Variants in GMPR2 observed in about 807,000 individuals in gnomAD.
GMPR2 encodes the protein guanosine monophosphate reductase 2.
In GMPR2, 32 loss-of-function variants were observed where a neutral mutation model predicts 38.5. The observed-to-expected ratio is 0.83, with a 90% CI of 0.63 to 1.12. The LOEUF (loss-of-function observed/expected upper bound fraction) is 1.12, where lower values mean the gene tolerates loss of function less well. Ranked by LOEUF, GMPR2 falls within the 50% of genes most tolerant of loss-of-function variation. The pLI, the probability that GMPR2 is intolerant of heterozygous loss-of-function variation, is 0.00. For missense variants in GMPR2, 396 were observed against 432.1 expected, an observed-to-expected ratio of 0.92 and a Z score of 0.74; for synonymous variants, 154 against 151.0, an observed-to-expected ratio of 1.02 and a Z score of -0.15.
rs1018164906 is a variant in GMPR2, at chr14:24,236,159, C to T, written c.465+19C>T. The T allele has an allele frequency of 1.8e-5, 28 of 1,597,634 alleles. No individual in the cohort carries two copies. In the East Asian group the frequency reaches 3.1e-4, roughly 18 times the overall value. On this transcript the variant is annotated intron_variant, in intron 5 of 9. Coordinates refer to ENST00000399440, the MANE Select transcript of GMPR2 (RefSeq NM_001002002.3). ...CATCATGGTATGTTTCTATTACAGT[C>T]GGTACCTTTTTATCTTTCCACTTTC...
At chr14:24,233,645 A>G in intron 3 of GMPR2, 47 bp downstream of exon 3, 2 of 1,604,036 alleles carry the variant, frequency 1.2e-6, no homozygotes, top group Non-Finnish European at 1.7e-6. Context: ...CAGTTAGCCC[A>G]GCTGACTGCA....
Position 24,238,840 on chromosome 14 carries a change from T to C in GMPR2, c.*62T>C. 5.9e-6 allele frequency: 8 copies of C among 1,352,558 alleles called. No individual in the cohort carries two copies. Among genetic ancestry groups the C allele is most frequent in the Non-Finnish European group, 8.4e-6 (8 of 954,624 alleles). The allele number at this position is 1,352,558 out of a possible 1,614,324, so 83.8% of individuals were successfully genotyped here. On this transcript the variant is annotated 3_prime_UTR_variant, in exon 10 of 10. Coordinates refer to ENST00000399440, the MANE Select transcript of GMPR2 (RefSeq NM_001002002.3). ...CTACCATGGGGCATCCCAAGTGGGG[T>C]CCTCACCCATCCCAGCTACTGCAGC...
At chr14:24,233,158 A>G in intron 1 of GMPR2, 61 bp from the exon 2 acceptor site, 2 of 1,609,190 alleles carry the variant, frequency 1.2e-6, no homozygotes, top group Non-Finnish European at 1.7e-6. Context: ...AGAGGCCACC[A>G]GCCGTAACAG....
At chr14:24,234,146 G>C (rs1254848602) in intron 3 of GMPR2, 1 of 1,289,088 alleles carries the variant, frequency 7.8e-7, no homozygotes, top group African/African-American at 1.5e-5. Flanking sequence ...GCCCCAAATG[G>C]GATGTGTTTT....
At position 24,232,956 on chromosome 14, in the gene GMPR2, TAGA is replaced by T. The variant is rs1212520433; in HGVS notation, c.-51_-49del. On this transcript the variant is annotated 5_prime_UTR_variant, in exon 1 of 10. Transcript: ENST00000399440. The stretch of plus-strand genomic sequence containing the variant: ...CTTGCCCCATTGCTCTTTGCAGGGG[TAGA>T]AGAAGGAAGTGTAGCGGGGTAAGGA... 3.7e-6 allele frequency: 2 copies of T among 535,870 alleles called. No individual in the cohort carries two copies. The highest frequency in any genetic ancestry group is 1.9e-5 in the African/African-American group (1 of 52,690). 33.2% of individuals were successfully genotyped at this position (535,870 alleles called of 1,614,324 possible).
At position 24,233,356 on chromosome 14, in the gene GMPR2, T is replaced by C. The variant is rs770628454; in HGVS notation, c.87+16T>C. ...TCGAAGTGAGGTGAGCAAGCTTCTCTACTTGCTGTTTCTTGACCCCACGCT... is the reference window on the plus strand; with the variant it reads ...TCGAAGTGAGGTGAGCAAGCTTCTCCACTTGCTGTTTCTTGACCCCACGCT... On this transcript the variant is annotated intron_variant, in intron 2 of 9. Transcript: ENST00000399440. 6.2e-7 allele frequency: 1 copy of C among 1,613,276 alleles called. No homozygotes were observed. The highest frequency in any genetic ancestry group is 8.5e-7 in the Non-Finnish European group (1 of 1,179,264).
At chr14:24,234,395 G>A (rs924272926) in intron 3 of GMPR2, among the ~76,000 whole-genome samples, 1 of 152,184 alleles carries the variant, frequency 6.6e-6, no homozygotes, top group African/African-American at 2.4e-5. Flanking sequence ...TTTGTGGAAT[G>A]TCTTGTCATT....
chr14:24,237,245 G>T lies in GMPR2; in HGVS notation c.548G>T (p.Gly183Val), dbSNP rs1470480982. Residue 183 changes from glycine to valine, a missense_variant and splice_region_variant, in exon 7 of 10, where the codon GGC becomes GTC. Transcript: ENST00000399440. ...CTTACCCTTATCATGTTCTTCCTAG[G>T]CTCTGTGTGTACTACTCGGAAGAAA... ...ADIIKVGIGP[G>V]SVCTTRKKTG... 21 of 1,599,360 alleles carry T rather than the reference G, an allele frequency of 1.3e-5. No individual in the cohort carries two copies. Among genetic ancestry groups the T allele is most frequent in the Non-Finnish European group, 1.8e-5 (21 of 1,166,692 alleles).
chr14:24,238,736 A>G lies in GMPR2; in HGVS notation c.1005A>G (p.Arg335=), dbSNP rs1403816384. Residue 335 remains arginine, a synonymous_variant, in exon 10 of 10, where the codon CGA becomes CGG. Transcript: ENST00000399440. ...KELSRRTTFI[R]VTQQVNPIFS... ...TGAGCAGGAGAACTACCTTCATCCG[A>G]GTCACCCAGCAGGTGAATCCAATCT... The G allele has an allele frequency of 6.2e-7, 1 of 1,613,964 alleles. No homozygotes were observed. The highest frequency in any genetic ancestry group is 8.5e-7 in the Non-Finnish European group (1 of 1,179,946).
At chr14:24,235,920 C>G (rs2040319419) in intron 4 of GMPR2, 47 bp from the exon 5 acceptor site, 4 of 1,597,802 alleles carry the variant, frequency 2.5e-6, no homozygotes, top group Non-Finnish European at 3.4e-6. Flanking sequence ...CCACTGGCTG[C>G]CCACCAGATC....
chr14:24,234,323 T>G, intron 3 of GMPR2: 1 of 881,600 alleles, frequency 1.1e-6, no homozygotes, highest in African/African-American at 1.8e-5. Context: ...ATTCTGCTAT[T>G]GTTTGTGGCT....
rs1381068847 is a variant in GMPR2, at chr14:24,236,156, A to AGTCG, written c.465+19_465+22dup. On this transcript the variant is annotated intron_variant, in intron 5 of 9. Transcript: ENST00000399440. ...CACCATCATGGTATGTTTCTATTAC[A>AGTCG]GTCGGTACCTTTTTATCTTTCCACT... is the stretch of plus-strand genomic sequence containing the variant. 2 of 1,601,382 alleles carry AGTCG rather than the reference A, an allele frequency of 1.2e-6. No homozygotes were observed. The highest frequency in any genetic ancestry group is 1.7e-6 in the Non-Finnish European group (2 of 1,169,936).
rs1055899449 is a variant in GMPR2 at position 24,235,813 on chromosome 14, G to A, written c.284G>A (p.Cys95Tyr). The A allele has an allele frequency of 1.9e-6, 3 of 1,612,074 alleles. No individual in the cohort carries two copies. The highest frequency in any genetic ancestry group is 1.7e-6 in the Non-Finnish European group (2 of 1,178,130). Reference sequence around the variant, plus strand: ...GAGTTTGCTGGCCAGAATCCTGACTGTCTTGAGGTAACACTGGGCATACCC... The same window carrying A: ...GAGTTTGCTGGCCAGAATCCTGACTATCTTGAGGTAACACTGGGCATACCC... The part of the protein sequence containing the change: ...WQEFAGQNPD[C>Y]LEHLAASSGT... The change falls in exon 4 of 10, where the codon TGT becomes TAT. Residue 95 changes from cysteine to tyrosine, a missense_variant. By Grantham distance (194) the Cys-to-Tyr change is radical (BLOSUM62 -2). Coordinates refer to ENST00000399440, the MANE Select transcript of GMPR2 (RefSeq NM_001002002.3).
In GMPR2 at chr14:24,235,773, C is replaced by T. The variant is rs1322026628; in HGVS notation, c.244C>T (p.Leu82Phe). 7 of 1,613,620 alleles carry T rather than the reference C, an allele frequency of 4.3e-6. No homozygotes were observed. The highest frequency in any genetic ancestry group is 5.9e-6 in the Non-Finnish European group (7 of 1,179,620). Residue 82 changes from leucine to phenylalanine, a missense_variant, in exon 4 of 10, where the codon CTC becomes TTC. Leu to Phe is a conservative substitution (Grantham distance 22). Transcript: ENST00000399440. Reference sequence around the variant, plus strand: ...CACTGCTGTCCATAAGCACTATAGCCTCGTTCAGTGGCAAGAGTTTGCTGG... The same window carrying T: ...CACTGCTGTCCATAAGCACTATAGCTTCGTTCAGTGGCAAGAGTTTGCTGG... ...LFTAVHKHYSLVQWQEFAGQN... is the reference protein window; with the variant it reads ...LFTAVHKHYSFVQWQEFAGQN...
At position 24,238,644 on chromosome 14, in the gene GMPR2, A is replaced by G; in HGVS notation, c.913A>G (p.Ile305Val). ...TTTTAAAGGAGATGTGGAACATACCATCCGAGACATCCTAGGAGGGATCCG... is the reference window on the plus strand; with the variant it reads ...TTTTAAAGGAGATGTGGAACATACCGTCCGAGACATCCTAGGAGGGATCCG... The part of the protein sequence containing the change: ...VPFKGDVEHT[I>V]RDILGGIRST... Residue 305 changes from isoleucine to valine, a missense_variant, in exon 10 of 10, where the codon ATC becomes GTC. Coordinates refer to ENST00000399440, the MANE Select transcript of GMPR2 (RefSeq NM_001002002.3). 1 of 1,613,956 alleles carries G rather than the reference A, an allele frequency of 6.2e-7. No homozygotes were observed. Among genetic ancestry groups the G allele is most frequent in the South Asian group, 1.1e-5 (1 of 91,084 alleles).
rs774318162 is a variant in GMPR2 at position 24,237,581 on chromosome 14, C to G, written c.697+19C>G. ...GCTTTTGGTAAGGAGCTTGAGGGCA[C>G]AGAAGGATGATTCTATACAAGAGGA... On this transcript the variant is annotated intron_variant, in intron 8 of 9. Transcript: ENST00000399440. The G allele has an allele frequency of 6.2e-7, 1 of 1,609,502 alleles. No homozygotes were observed. Among genetic ancestry groups the G allele is most frequent in the South Asian group, 1.1e-5 (1 of 91,004 alleles).
rs73589611 is a variant in GMPR2, at chr14:24,237,214, G to A, written c.548-31G>A. On this transcript the variant is annotated intron_variant, in intron 6 of 9. Coordinates refer to ENST00000399440, the MANE Select transcript of GMPR2 (RefSeq NM_001002002.3). Reference sequence around the variant, plus strand: ...TCAGTGGCAAACACCTGTGGAGCACGTCATTCTTACCCTTATCATGTTCTT... The same window carrying A: ...TCAGTGGCAAACACCTGTGGAGCACATCATTCTTACCCTTATCATGTTCTT... 8,087 of 1,559,414 alleles carry A rather than the reference G, an allele frequency of 5.2e-3. 367 individuals carry two copies. In the African/African-American group the frequency reaches 0.098, roughly 19 times the overall value.
chr14:24,237,180 T>A lies in GMPR2; in HGVS notation c.547+28T>A, dbSNP rs74876069. 3.0e-4 allele frequency: 455 copies of A among 1,541,210 alleles called. 2 individuals carry two copies. In the African/African-American group the frequency reaches 5.0e-3, roughly 17 times the overall value. On this transcript the variant is annotated intron_variant, in intron 6 of 9. Transcript: ENST00000399440. Reference sequence around the variant, plus strand: ...AAGCTGGTTCATTGGGGCCACTGGCTACCCCCCTTCAGTGGCAAACACCTG... The same window carrying A: ...AAGCTGGTTCATTGGGGCCACTGGCAACCCCCCTTCAGTGGCAAACACCTG...
chr14:24,232,971 TAGC>T lies in GMPR2; in HGVS notation c.-41_-39del, dbSNP rs1047317362. On this transcript the variant is annotated 5_prime_UTR_variant, in exon 1 of 10. Coordinates refer to ENST00000399440, the MANE Select transcript of GMPR2 (RefSeq NM_001002002.3). ...TTTGCAGGGGTAGAAGAAGGAAGTG[TAGC>T]GGGGTAAGGAATGCACCGTCAGGGT... The T allele has an allele frequency of 1.8e-6, 1 of 563,270 alleles. No homozygotes were observed. The highest frequency in any genetic ancestry group is 3.2e-6 in the Non-Finnish European group (1 of 313,906). 34.9% of individuals were successfully genotyped at this position (563,270 alleles called of 1,614,324 possible).
Sources: gnomAD v4.1 joint callset for allele counts (sites outside exome capture counted in the v4.1 genomes callset) on GRCh38, gnomAD v4.1.1 for gene constraint, MANE v1.5 for transcripts, NCBI Gene and HGNC (gene_info 2026-07-23, HGNC 2026-07-21) for gene names.